Variants in CDC42BPA observed in about 807,000 individuals in gnomAD.
The protein encoded by CDC42BPA is serine/threonine-protein kinase MRCK alpha.
CDC42BPA carries 80 observed loss-of-function variants against 223.5 expected under a neutral mutation model. That is an observed-to-expected ratio of 0.36 (90% CI 0.30 to 0.43). The LOEUF (loss-of-function observed/expected upper bound fraction) is 0.43. Among genes scored for constraint, CDC42BPA ranks in the 20% least tolerant of loss-of-function variants. The probability of loss-of-function intolerance (pLI) is 1.00; values close to 1 mark genes in which losing one functional copy is unlikely to be tolerated. For missense variants in CDC42BPA, 1,743 were observed against 2,099.9 expected (o/e 0.83, Z 3.32); for synonymous variants, 694 against 718.6 (o/e 0.97, Z 0.55).
chr1:227,301,233 T>G (rs1006513941), intron 1 of CDC42BPA, among the ~76,000 whole-genome samples: 23 of 152,328 alleles, frequency 1.5e-4, no homozygotes, highest in East Asian at 7.7e-4. Flanking sequence ...TACTCATAAA[T>G]TCTAACACAA....
rs10605581 is a variant in CDC42BPA, at chr1:227,000,093, T to TATA, written c.4975+4898_4975+4900dup. On this transcript the variant is annotated intron_variant, in intron 35 of 36. Transcript: ENST00000366766. ...TACACATGTATCCCAGAACTTAAAG[T>TATA]ATAATAATAATAATAATAATAATAA... Among the ~76,000 whole-genome samples the TATA allele has an allele frequency of 3.4e-3, 445 of 130,658 alleles. 1 individual carries two copies. The highest frequency in any genetic ancestry group is 7.8e-3 in the Middle Eastern group (2 of 256). The allele number at this position is 130,658 out of a possible 152,430, so 85.7% of individuals were successfully genotyped here.
chr1:227,052,787 G>C (rs1298202794), intron 21 of CDC42BPA, among the ~76,000 whole-genome samples: 3 of 152,156 alleles, frequency 2.0e-5, no homozygotes, highest in Non-Finnish European at 4.4e-5. Flanking sequence ...ATTTAAACAT[G>C]AACTTATAAT....
chr1:227,267,442 T>C (rs917139923), intron 1 of CDC42BPA, among the ~76,000 whole-genome samples: 1 of 152,138 alleles, frequency 6.6e-6, no homozygotes, highest in Non-Finnish European at 1.5e-5. Flanking sequence ...ATTTAAAAAA[T>C]GTACAACCCA....
chr1:227,197,480 A>C (rs1670946867), intron 4 of CDC42BPA, among the ~76,000 whole-genome samples: 2 of 152,162 alleles, frequency 1.3e-5, no homozygotes, highest in African/African-American at 2.4e-5. Context: ...GTATATACAG[A>C]CTATTTTTCC....
Position 226,993,177 on chromosome 1 carries a change from T to C in CDC42BPA, c.*1091A>G, listed in dbSNP as rs916050224. 2 of 152,236 alleles carry C rather than the reference T, an allele frequency of 1.3e-5. No individual in the cohort carries two copies. Among genetic ancestry groups the C allele is most frequent in the African/African-American group, 2.4e-5 (1 of 41,442 alleles). 9.4% of individuals were successfully genotyped at this position (152,236 alleles called of 1,614,324 possible). On this transcript the variant is annotated 3_prime_UTR_variant, in exon 37 of 37. Transcript: ENST00000366766. ...CGCTGTGACTTAGGGAGGGACAGGA[T>C]TAGCCCAGGAATAAAAGCATTTTTA...
chr1:227,017,308 A>G (rs567068669), intron 32 of CDC42BPA, among the ~76,000 whole-genome samples: 11 of 152,318 alleles, frequency 7.2e-5, no homozygotes, highest in Admixed American at 7.2e-4. Context: ...TAATTTTACT[A>G]GAAGAAAACT....
chr1:227,060,188 C>A (rs1318070815), intron 21 of CDC42BPA, among the ~76,000 whole-genome samples: 1 of 151,782 alleles, frequency 6.6e-6, no homozygotes, highest in Non-Finnish European at 1.5e-5. Flanking sequence ...CCCACCACCA[C>A]GCCCGGCTAA....
In CDC42BPA at chr1:227,317,821, T is replaced by C; in HGVS notation, c.-639A>G. On this transcript the variant is annotated 5_prime_UTR_variant, in exon 1 of 37. Coordinates refer to ENST00000366766, the MANE Select transcript of CDC42BPA (RefSeq NM_001394014.1). ...CCTCGGCTCGGAGCACGCCAAGTCT[T>C]GCCCGGAGGCGGCTTTTCGTTTCTC... is the stretch of plus-strand genomic sequence containing the variant. 1 of 398,728 alleles carries C rather than the reference T, an allele frequency of 2.5e-6. No individual in the cohort carries two copies. The allele number at this position is 398,728 out of a possible 1,614,324, so 24.7% of individuals were successfully genotyped here.
intron 2 of CDC42BPA, among the ~76,000 whole-genome samples, chr1:227,217,153 AACCCATTCCAAGCT>A (rs1675003131): frequency 6.6e-6 from 1 of 152,110 alleles, no homozygotes; most frequent in Non-Finnish European, 1.5e-5. Context: ...CCTCTGTTCC[AACCCATTCCAAGCT>A]ACTATTACAT....
chr1:227,048,753 G>GAAAAAAA (rs34655609), intron 22 of CDC42BPA, among the ~76,000 whole-genome samples: 10 of 112,526 alleles, frequency 8.9e-5, no homozygotes, highest in Admixed American at 1.8e-4. Flanking sequence ...AAAGTAGTGA[G>GAAAAAAA]AAAAAAAAAA....
intron 1 of CDC42BPA, among the ~76,000 whole-genome samples, chr1:227,276,435 C>T (rs988367532): frequency 3.3e-5 from 5 of 151,896 alleles, no homozygotes; most frequent in Non-Finnish European, 5.9e-5. Flanking sequence ...GCAGCTGCCC[C>T]GTCCGGGAGG....
At chr1:227,247,454 C>T (rs1019837291) in intron 2 of CDC42BPA, among the ~76,000 whole-genome samples, 2 of 152,190 alleles carry the variant, frequency 1.3e-5, no homozygotes, top group African/African-American at 4.8e-5. Flanking sequence ...GAGATCGTGC[C>T]ACTGCACTCT....
chr1:227,202,341 G>C (rs920606759), intron 3 of CDC42BPA, among the ~76,000 whole-genome samples: 1 of 152,074 alleles, frequency 6.6e-6, no homozygotes, highest in Non-Finnish European at 1.5e-5. Flanking sequence ...ACCAAGTCCT[G>C]TTTTATGATT....
intron 1 of CDC42BPA, among the ~76,000 whole-genome samples, chr1:227,305,513 G>A (rs1179494698): frequency 2.6e-5 from 4 of 152,140 alleles, no homozygotes; most frequent in Non-Finnish European, 5.9e-5. Context: ...CTTAAGGTTG[G>A]TCTTTCAAAG....
chr1:227,175,119 T>C (rs1383912052), intron 5 of CDC42BPA, among the ~76,000 whole-genome samples: 2 of 152,190 alleles, frequency 1.3e-5, no homozygotes, highest in Non-Finnish European at 1.5e-5. Flanking sequence ...ACTAGATAAA[T>C]AATTTGATTA....
intron 3 of CDC42BPA, among the ~76,000 whole-genome samples, chr1:227,209,792 C>T (rs1261821489): frequency 6.7e-6 from 1 of 150,118 alleles, no homozygotes; most frequent in Non-Finnish European, 1.5e-5. Flanking sequence ...CATCAATGTT[C>T]ATCAAGGATA....
rs115029846 is a variant in CDC42BPA at position 227,162,419 on chromosome 1, A to G, written c.600-1783T>C. On this transcript the variant is annotated intron_variant, in intron 5 of 36. Transcript: ENST00000366766. The stretch of plus-strand genomic sequence containing the variant: ...TGTTTACTGTATCCATGCATATTTT[A>G]CACTATTATGCCTATATACAACATC... 5.0e-3 allele frequency among the ~76,000 whole-genome samples: 755 copies of G among 152,290 alleles called. 5 individuals are homozygous for G. The highest frequency in any genetic ancestry group is 0.017 in the African/African-American group (706 of 41,564).
At chr1:227,005,805 T>C (rs1325798812) in intron 34 of CDC42BPA, among the ~76,000 whole-genome samples, 2 of 152,226 alleles carry the variant, frequency 1.3e-5, no homozygotes, top group East Asian at 1.9e-4. Context: ...CTTATTGATA[T>C]TTCCATTTAA....
Position 227,253,464 on chromosome 1 carries a change from C to T in CDC42BPA, c.270+600G>A, listed in dbSNP as rs371335224. ...TACAAAAATTAGCTGGGCCTGATGG[C>T]GGACGCCTGTAATCCCAGCTACTCG... On this transcript the variant is annotated intron_variant, in intron 2 of 36. Coordinates refer to ENST00000366766, the MANE Select transcript of CDC42BPA (RefSeq NM_001394014.1). Among the ~76,000 whole-genome samples the T allele has an allele frequency of 2.5e-3, 382 of 152,158 alleles. 2 individuals carry two copies. Among genetic ancestry groups the T allele is most frequent in the African/African-American group, 8.8e-3 (367 of 41,512 alleles).
Sources: allele counts gnomAD v4.1 joint callset (sites outside exome capture counted in the v4.1 genomes callset), GRCh38; gene constraint gnomAD v4.1.1; transcripts MANE v1.5; gene names NCBI Gene and HGNC (gene_info 2026-07-23, HGNC 2026-07-21).